VPS13B: variants seen among roughly 807,000 people sequenced by gnomAD.
The protein encoded by VPS13B is intermembrane lipid transfer protein VPS13B.
A neutral mutation model predicts 426.4 loss-of-function variants in VPS13B; 285 were observed. That is an observed-to-expected ratio of 0.67 (90% confidence interval 0.61 to 0.74). The LOEUF (loss-of-function observed/expected upper bound fraction) is 0.74. VPS13B is among the 30% of genes least tolerant of loss of function. The pLI, the probability that VPS13B is intolerant of heterozygous loss-of-function variation, is 0.00. For missense variants in VPS13B, 4,537 were observed against 4,782.6 expected (o/e 0.95, Z 1.51); for synonymous variants, 1,676 against 1,676.4 (o/e 1.00, Z 0.01).
intron 3 of VPS13B, 71 bp from the exon 4 acceptor site, chr8:99,096,241 T>TA (rs1350977312): frequency 2.5e-6 from 4 of 1,577,830 alleles, no homozygotes; most frequent in Non-Finnish European, 2.6e-6. Flanking sequence ...CTGCATATAT[T>TA]AAAAAATTTT....
chr8:99,548,101 A>G (rs1311217030), intron 30 of VPS13B, among the ~76,000 whole-genome samples: 3 of 152,118 alleles, frequency 2.0e-5, no homozygotes, highest in South Asian at 2.1e-4. Context: ...GGTCCTCACC[A>G]TAGGACCAGC....
Position 99,511,294 on chromosome 8 carries a change from A to G in VPS13B, c.4415A>G (p.Gln1472Arg), listed in dbSNP as rs1472609719. ...HFLHEILLSA[Q>R]AFDIVLYFPL... Reference sequence around the variant, plus strand: ...CTTCATGAAATTCTTCTTTCAGCACAAGCTTTTGATATTGTTCTTTATTTT... The same window carrying G: ...CTTCATGAAATTCTTCTTTCAGCACGAGCTTTTGATATTGTTCTTTATTTT... Residue 1472 changes from glutamine to arginine, a missense_variant, in exon 29 of 62, where the codon CAA becomes CGA. By Grantham distance (43) the Gln-to-Arg change is conservative. Around this residue, in one of 2 missense-constraint regions of VPS13B, gnomAD observed 4,311 missense variants for 4,474.3 expected, o/e 0.96. Transcript: ENST00000357162. The G allele has an allele frequency of 6.2e-7, 1 of 1,613,984 alleles. No homozygotes were observed. The highest frequency in any genetic ancestry group is 8.5e-7 in the Non-Finnish European group (1 of 1,179,980).
intron 58 of VPS13B, among the ~76,000 whole-genome samples, chr8:99,866,502 G>A (rs917257732): frequency 3.3e-5 from 5 of 152,238 alleles, no homozygotes; most frequent in African/African-American, 7.2e-5. Context: ...CTAACACCTT[G>A]TCATGGGACT....
intron 3 of VPS13B, among the ~76,000 whole-genome samples, chr8:99,076,911 G>A (rs913818140): frequency 4.0e-5 from 6 of 151,684 alleles, no homozygotes; most frequent in African/African-American, 1.5e-4. Flanking sequence ...TTGTTTTCTG[G>A]TTGTTTTATA....
At chr8:99,672,382 T>C (rs1158076655) in intron 35 of VPS13B, among the ~76,000 whole-genome samples, 1 of 152,172 alleles carries the variant, frequency 6.6e-6, no homozygotes, top group Non-Finnish European at 1.5e-5. Context: ...TTAGCTATTA[T>C]GAAATGAGAT....
intron 33 of VPS13B, among the ~76,000 whole-genome samples, chr8:99,580,964 G>A (rs919740906): frequency 7.5e-4 from 108 of 144,734 alleles, no homozygotes; most frequent in African/African-American, 2.6e-3. Flanking sequence ...GGGCAACATG[G>A]CAAAACTGCA....
chr8:99,758,499 A>T (rs1265934780), intron 39 of VPS13B, among the ~76,000 whole-genome samples: 1 of 152,234 alleles, frequency 6.6e-6, no homozygotes, highest in East Asian at 1.9e-4. Flanking sequence ...AAAGACTGTT[A>T]AAGGAGGTAG....
At chr8:99,445,424 C>T (rs1817866286) in intron 23 of VPS13B, among the ~76,000 whole-genome samples, 1 of 149,624 alleles carries the variant, frequency 6.7e-6, no homozygotes, top group Admixed American at 6.7e-5. Context: ...ATGATCGCAC[C>T]ACTGCACTCC....
intron 30 of VPS13B, among the ~76,000 whole-genome samples, chr8:99,553,387 A>G (rs1003982434): frequency 1.3e-5 from 2 of 152,160 alleles, no homozygotes; most frequent in African/African-American, 4.8e-5. Context: ...AGGAACATTT[A>G]TCTTTATCGT....
intron 3 of VPS13B, among the ~76,000 whole-genome samples, chr8:99,066,005 C>T (rs1478878410): frequency 1.3e-5 from 2 of 152,072 alleles, no homozygotes; most frequent in East Asian, 1.9e-4. Flanking sequence ...TAAAAGAGGA[C>T]ACAAACAAAT....
intron 33 of VPS13B, among the ~76,000 whole-genome samples, chr8:99,585,273 T>C (rs546743005): frequency 6.6e-6 from 1 of 152,226 alleles, no homozygotes; most frequent in East Asian, 1.9e-4. Context: ...GGAACCAAAG[T>C]TTATAGACTT....
intron 44 of VPS13B, among the ~76,000 whole-genome samples, chr8:99,817,277 T>C (rs1370652554): frequency 9.9e-5 from 15 of 151,856 alleles, no homozygotes; most frequent in Admixed American, 9.9e-4. Context: ...CACCTCCACA[T>C]TTTCTCTGGC....
intron 51 of VPS13B, among the ~76,000 whole-genome samples, chr8:99,832,040 C>T (rs761245851): frequency 3.3e-5 from 5 of 152,102 alleles, no homozygotes; most frequent in African/African-American, 4.8e-5. Context: ...GTGGGCGGAT[C>T]ACTTGAGGTC....
chr8:99,201,777 G>C (rs541389384), intron 17 of VPS13B, among the ~76,000 whole-genome samples: 2 of 152,132 alleles, frequency 1.3e-5, no homozygotes, highest in African/African-American at 2.4e-5. Flanking sequence ...TACTGGTTTA[G>C]TGAATGTCTT....
intron 52 of VPS13B, among the ~76,000 whole-genome samples, chr8:99,833,286 G>T (rs932753438): frequency 6.6e-6 from 1 of 152,142 alleles, no homozygotes; most frequent in Non-Finnish European, 1.5e-5. Context: ...CTATTATGTG[G>T]TTGTCTTGCA....
At chr8:99,015,641 C>T (rs192085557) in intron 2 of VPS13B, among the ~76,000 whole-genome samples, 283 of 152,002 alleles carry the variant, frequency 1.9e-3, no homozygotes, top group African/African-American at 6.4e-3. Context: ...CGGTGGTTCA[C>T]GCCTGTAACC....
intron 35 of VPS13B, among the ~76,000 whole-genome samples, chr8:99,677,356 G>T (rs1830980610): frequency 6.6e-6 from 1 of 152,170 alleles, no homozygotes; most frequent in East Asian, 1.9e-4. Context: ...TAAGGACCTT[G>T]ACTTTTACAT....
intron 15 of VPS13B, among the ~76,000 whole-genome samples, chr8:99,165,010 T>G (rs1402952114): frequency 6.6e-6 from 1 of 152,212 alleles, no homozygotes; most frequent in Non-Finnish European, 1.5e-5. Context: ...AATTTACCAA[T>G]TGGGAGAGTT....
chr8:99,197,341 A>G (rs1396773665), intron 17 of VPS13B, among the ~76,000 whole-genome samples: 1 of 152,196 alleles, frequency 6.6e-6, no homozygotes, highest in Non-Finnish European at 1.5e-5. Context: ...TTCTAAAATG[A>G]GTTTGAAAGT....
Sources: allele counts gnomAD v4.1 joint callset (sites outside exome capture counted in the v4.1 genomes callset), GRCh38; gene constraint gnomAD v4.1.1; regional missense constraint gnomAD v4.1.1; transcripts MANE v1.5; gene names NCBI Gene and HGNC (gene_info 2026-07-23, HGNC 2026-07-21).